The following LAMA2 variants were observed in gnomAD, a reference collection of about 807,000 sequenced individuals.
LAMA2 encodes the protein laminin subunit alpha 2.
Under a neutral mutation model 364.8 loss-of-function variants are expected in LAMA2, and 269 were observed. The observed-to-expected ratio is 0.74, with a 90% CI of 0.67 to 0.82. The LOEUF (loss-of-function observed/expected upper bound fraction) is 0.82. LAMA2 is among the 40% of genes least tolerant of loss of function. The pLI is 0.00. For missense variants in LAMA2, 3,807 were observed against 3,873.2 expected (o/e 0.98, Z 0.45); for synonymous variants, 1,379 against 1,370.6 (o/e 1.01, Z -0.14).
chr6:129,273,225 T>G (rs118149224), intron 17 of LAMA2, among the ~76,000 whole-genome samples: 1,575 of 152,310 alleles, frequency 0.01, 13 homozygotes, highest in Middle Eastern at 0.017. Context: ...TGCGAAGGGT[T>G]AGATCACCCA....
At chr6:129,467,415 C>A (rs1271025749) in intron 51 of LAMA2, among the ~76,000 whole-genome samples, 1 of 151,792 alleles carries the variant, frequency 6.6e-6, no homozygotes, top group Non-Finnish European at 1.5e-5. Context: ...ACAGTGTTCA[C>A]TGTGTGGGTG....
intron 1 of LAMA2, among the ~76,000 whole-genome samples, chr6:128,967,727 C>T (rs923521522): frequency 6.6e-6 from 1 of 152,152 alleles, no homozygotes; most frequent in Non-Finnish European, 1.5e-5. Flanking sequence ...TCCATTCTCA[C>T]CCTAGGGAAA....
At chr6:128,965,256 C>T (rs1781764908) in intron 1 of LAMA2, among the ~76,000 whole-genome samples, 1 of 152,040 alleles carries the variant, frequency 6.6e-6, no homozygotes, top group African/African-American at 2.4e-5. Context: ...CTAAGTAAAG[C>T]AGGCCAGTGA....
intron 10 of LAMA2, 44 bp downstream of exon 10, chr6:129,177,910 G>T (rs1159696290): frequency 1.9e-6 from 3 of 1,585,458 alleles, no homozygotes; most frequent in African/African-American, 1.3e-5. Flanking sequence ...AAGACAGAAG[G>T]TTATTTTTCT....
At chr6:129,288,440 A>G (rs73776914) in intron 19 of LAMA2, among the ~76,000 whole-genome samples, 16 of 152,238 alleles carry the variant, frequency 1.1e-4, no homozygotes, top group Admixed American at 9.2e-4. Flanking sequence ...TTTTCTGCCC[A>G]TGATATTTCA....
At chr6:128,895,705 A>G (rs181864181) in intron 1 of LAMA2, among the ~76,000 whole-genome samples, 1 of 152,274 alleles carries the variant, frequency 6.6e-6, no homozygotes, top group East Asian at 1.9e-4. Context: ...TCTGAATATT[A>G]GCAGAAGAGA....
In LAMA2 at chr6:129,369,387, A is replaced by G. The variant is rs73587401; in HGVS notation, c.4861-505A>G. 7.4e-3 allele frequency among the ~76,000 whole-genome samples: 1,129 copies of G among 152,232 alleles called. 17 individuals are homozygous for G. The highest frequency in any genetic ancestry group is 0.026 in the African/African-American group (1,069 of 41,510). On this transcript the variant is annotated intron_variant, in intron 33 of 64. Coordinates refer to ENST00000421865, the MANE Select transcript of LAMA2 (RefSeq NM_000426.4). ...TGGCCCTGCTGTTAGGCCAGTTCCT[A>G]GCAACACCGAGGACAGGCCAGTTAG... is the stretch of plus-strand genomic sequence containing the variant.
chr6:128,970,671 T>C (rs1247859066), intron 1 of LAMA2, among the ~76,000 whole-genome samples: 1 of 152,248 alleles, frequency 6.6e-6, no homozygotes, highest in Admixed American at 6.5e-5. Flanking sequence ...GAAAATCATA[T>C]TCTAACTTAT....
At position 129,454,247 on chromosome 6, in the gene LAMA2, G is replaced by T; in HGVS notation, c.6666G>T (p.Leu2222Phe). Residue 2222 changes from leucine to phenylalanine, a missense_variant, in exon 47 of 65, where the codon TTG becomes TTT. By Grantham distance (22) the Leu-to-Phe change is conservative. This residue lies in a region of LAMA2 where 3,333 missense variants were observed against 3,345.7 expected (regional missense o/e 1.00). Transcript: ENST00000421865. ...SGVGRVEYPD[L>F]TIDDSYWYRI... The stretch of plus-strand genomic sequence containing the variant: ...TTGGACGTGTAGAGTACCCAGATTT[G>T]ACTATTGATGACTCATATTGGTACC... 1 of 1,611,976 alleles carries T rather than the reference G, an allele frequency of 6.2e-7. No homozygotes were observed. The highest frequency in any genetic ancestry group is 8.5e-7 in the Non-Finnish European group (1 of 1,178,402).
chr6:129,194,723 C>A (rs1380305889), intron 12 of LAMA2, among the ~76,000 whole-genome samples: 5 of 152,156 alleles, frequency 3.3e-5, no homozygotes, highest in Non-Finnish European at 4.4e-5. Flanking sequence ...ATGAATGAAA[C>A]AATTTGCCTT....
chr6:128,887,697 G>A (rs1472718571), intron 1 of LAMA2, among the ~76,000 whole-genome samples: 2 of 151,744 alleles, frequency 1.3e-5, no homozygotes, highest in Admixed American at 6.6e-5. Flanking sequence ...AACGGAAACC[G>A]TGTCTCTACT....
intron 1 of LAMA2, among the ~76,000 whole-genome samples, chr6:129,033,031 A>T (rs1786349743): frequency 6.6e-6 from 1 of 152,106 alleles, no homozygotes; most frequent in African/African-American, 2.4e-5. Context: ...TGGAGATTTA[A>T]CCAGGCATTT....
chr6:129,260,857 AAGTTCCCTCAACATTGC>A, intron 15 of LAMA2, 35 bp downstream of exon 15: 1 of 1,246,868 alleles, frequency 8.0e-7, no homozygotes, highest in Non-Finnish European at 1.2e-6. Flanking sequence ...AGTGCTTTCA[AAGTTCCCTCAACATTGC>A]TTTCAATAAC....
intron 15 of LAMA2, among the ~76,000 whole-genome samples, chr6:129,263,237 A>G (rs889239855): frequency 2.0e-5 from 3 of 152,204 alleles, no homozygotes; most frequent in African/African-American, 7.2e-5. Context: ...GCCATTAACA[A>G]TACAGATATT....
At chr6:129,433,928 G>A (rs993534434) in intron 41 of LAMA2, among the ~76,000 whole-genome samples, 2 of 151,998 alleles carry the variant, frequency 1.3e-5, no homozygotes, top group African/African-American at 4.8e-5. Flanking sequence ...TCTCATATCA[G>A]TCACATGAAG....
At chr6:129,455,687 A>C (rs1375480182) in intron 47 of LAMA2, among the ~76,000 whole-genome samples, 1 of 152,188 alleles carries the variant, frequency 6.6e-6, no homozygotes, top group Non-Finnish European at 1.5e-5. Context: ...ATAGCTTTCA[A>C]AATTCTGTTA....
chr6:129,101,644 C>T (rs1339522559), intron 4 of LAMA2, among the ~76,000 whole-genome samples: 1 of 152,148 alleles, frequency 6.6e-6, no homozygotes, highest in Non-Finnish European at 1.5e-5. Context: ...TCCATTTCCC[C>T]ATTACACTAG....
intron 1 of LAMA2, among the ~76,000 whole-genome samples, chr6:129,022,439 C>T (rs549342465): frequency 3.9e-5 from 6 of 152,260 alleles, no homozygotes; most frequent in Admixed American, 3.9e-4. Context: ...CACTCATTTA[C>T]TCCGAAATTA....
At chr6:129,113,417 G>C (rs1776277053) in intron 4 of LAMA2, among the ~76,000 whole-genome samples, 1 of 151,980 alleles carries the variant, frequency 6.6e-6, no homozygotes, top group East Asian at 1.9e-4. Flanking sequence ...TTTTTCTTGA[G>C]AGTATGGCTA....
Sources: allele counts gnomAD v4.1 joint callset (sites outside exome capture counted in the v4.1 genomes callset), GRCh38; gene constraint gnomAD v4.1.1; regional missense constraint gnomAD v4.1.1; transcripts MANE v1.5; gene names NCBI Gene and HGNC (gene_info 2026-07-23, HGNC 2026-07-21).